Variants in SCML1 observed in about 807,000 individuals in gnomAD.
SCML1 encodes the protein sex comb on midleg-like protein 1.
For missense variants in SCML1, 137 were observed against 258.1 expected (o/e 0.53, Z 3.22); for synonymous variants, 104 against 103.6 (o/e 1.00, Z -0.02).
chrX:17,749,813 A>G lies in SCML1; in HGVS notation c.304-81A>G, dbSNP rs914096829. ...TAATGTAAAGCAATGTTGCATGGAA[A>G]ATAAGTATTAATGTATTTGCTACTA... On this transcript the variant is annotated intron_variant, in intron 5 of 7. Coordinates refer to ENST00000380041, the MANE Select transcript of SCML1 (RefSeq NM_001037540.3). 14 of 903,470 alleles carry G rather than the reference A, an allele frequency of 1.5e-5. No homozygotes were observed. The African/African-American group carries it at 2.8e-4, about 18-fold the overall frequency. 74.5% of individuals were successfully genotyped at this position (903,470 alleles called of 1,213,427 possible).
At chrX:17,749,726 A>G in intron 5 of SCML1, 168 bp from the exon 6 acceptor site, 1 of 542,458 alleles carries the variant, frequency 1.8e-6, no homozygotes, top group Non-Finnish European at 2.9e-6. Context: ...TATAATGTGT[A>G]AAATACAATT....
intron 3 of SCML1, 165 bp from the exon 4 acceptor site, chrX:17,745,853 G>A (rs1426885191): frequency 6.0e-6 from 2 of 335,631 alleles, no homozygotes; most frequent in Admixed American, 5.3e-5. Context: ...TCATATTAAT[G>A]TGAATTTTAA....
chrX:17,746,777 A>G (rs2034535955), intron 4 of SCML1, among the ~76,000 whole-genome samples: 1 of 111,595 alleles, frequency 9.0e-6, no homozygotes, highest in Non-Finnish European at 1.9e-5. Context: ...CGAGCTGGGA[A>G]GGGAGGGAGC....
Position 17,741,590 on chromosome X carries a change from A to G in SCML1, c.-116-2481A>G, listed in dbSNP as rs561419996. 8.2e-4 allele frequency among the ~76,000 whole-genome samples: 92 copies of G among 112,120 alleles called. No individual in the cohort carries two copies. The South Asian group carries it at 0.033, about 40-fold the overall frequency. ...TGGTAGACTGCACCATTTACTAGCAATGGGACCTGGGCAAATTACTTAAAT... is the reference window on the plus strand; with the variant it reads ...TGGTAGACTGCACCATTTACTAGCAGTGGGACCTGGGCAAATTACTTAAAT... On this transcript the variant is annotated intron_variant, in intron 1 of 7. Coordinates refer to ENST00000380041, the MANE Select transcript of SCML1 (RefSeq NM_001037540.3).
chrX:17,743,311 A>G (rs1405796323), intron 1 of SCML1, among the ~76,000 whole-genome samples: 1 of 111,903 alleles, frequency 8.9e-6, no homozygotes, highest in Non-Finnish European at 1.9e-5. Context: ...GAATCTCTTA[A>G]TTGTGCCTCT....
intron 4 of SCML1, among the ~76,000 whole-genome samples, chrX:17,746,923 T>C (rs1240016539): frequency 1.8e-5 from 2 of 112,031 alleles, no homozygotes; most frequent in Non-Finnish European, 3.8e-5. Flanking sequence ...CAAGGGCCCC[T>C]CTCCATTGCT....
chrX:17,751,670 G>A, intron 6 of SCML1, 145 bp from the exon 7 acceptor site: 1 of 564,692 alleles, frequency 1.8e-6, no homozygotes, highest in African/African-American at 2.3e-5. Flanking sequence ...AGATTTTACA[G>A]TTGGAGTCTT....
rs988593802 is a variant in SCML1, at chrX:17,753,160, G to A, written c.856-98G>A. The A allele has an allele frequency of 4.8e-6, 3 of 630,347 alleles. No homozygotes were observed. The African/African-American group carries it at 6.8e-5, about 14-fold the overall frequency. The allele number at this position is 630,347 out of a possible 1,213,427, so 51.9% of individuals were successfully genotyped here. On this transcript the variant is annotated intron_variant, in intron 7 of 7. Transcript: ENST00000380041. ...AGAGAATATACATCTGCAATGAGCT[G>A]CTCTCTAGTTTGCTTTACATGTTCT...
intron 1 of SCML1, among the ~76,000 whole-genome samples, chrX:17,741,507 T>C (rs2066594608): frequency 8.9e-6 from 1 of 111,897 alleles, no homozygotes; most frequent in Non-Finnish European, 1.9e-5. Flanking sequence ...TACTGTGTTA[T>C]TGGTAGCAAA....
At chrX:17,753,212 A>G in intron 7 of SCML1, 46 bp from the exon 8 acceptor site, 3 of 1,068,329 alleles carry the variant, frequency 2.8e-6, no homozygotes, top group Non-Finnish European at 3.7e-6. Context: ...TTCTGATGAA[A>G]ATATGGAAGC....
chrX:17,753,234 T>A (rs376719294), intron 7 of SCML1, 24 bp from the exon 8 acceptor site: 129 of 1,098,010 alleles, frequency 1.2e-4, no homozygotes, highest in Non-Finnish European at 3.8e-5. Context: ...TTATTAATTA[T>A]CGTTAAGTTT....
chrX:17,752,580 A>G, intron 7 of SCML1, among the ~76,000 whole-genome samples: 1 of 112,381 alleles, frequency 8.9e-6, no homozygotes, highest in Non-Finnish European at 1.9e-5. Context: ...GAGTAAATAA[A>G]ATTTTATTTT....
intron 1 of SCML1, among the ~76,000 whole-genome samples, chrX:17,740,053 T>C (rs1332102259): frequency 1.8e-5 from 2 of 111,369 alleles, no homozygotes; most frequent in East Asian, 5.6e-4. Flanking sequence ...TTAAAATTTA[T>C]GGTGTGTCTA....
Position 17,745,463 on chromosome X carries a change from C to T in SCML1, c.41C>T (p.Thr14Ile). The T allele has an allele frequency of 8.7e-7, 1 of 1,145,568 alleles. No individual in the cohort carries two copies. The highest frequency in any genetic ancestry group is 1.2e-6 in the Non-Finnish European group (1 of 843,684). The allele number at this position is 1,145,568 out of a possible 1,213,427, so 94.4% of individuals were successfully genotyped here. ...TTGGTAAATTTTCCTCAGATAAAAA[C>T]AAGAATACCTACTTACGATGAAGAT... ...NSSSEIDVIK[T>I]RIPTYDEDDN... Residue 14 changes from threonine (T) to isoleucine (I), a missense_variant, in exon 3 of 8, where the codon ACA becomes ATA. Transcript: ENST00000380041.
At chrX:17,748,526 C>T (rs1322405207) in intron 4 of SCML1, among the ~76,000 whole-genome samples, 3 of 111,694 alleles carry the variant, frequency 2.7e-5, no homozygotes. Flanking sequence ...TTTTTCGGTC[C>T]ATGTTCTCAA....
chrX:17,738,133 C>G (rs6654022), intron 1 of SCML1, among the ~76,000 whole-genome samples: 1 of 112,595 alleles, frequency 8.9e-6, no homozygotes, highest in African/African-American at 3.2e-5. Context: ...TAGAGACAGA[C>G]TGTGCAGCTT....
intron 1 of SCML1, among the ~76,000 whole-genome samples, chrX:17,741,669 T>C (rs1188295104): frequency 8.9e-6 from 1 of 111,828 alleles, no homozygotes; most frequent in East Asian, 2.8e-4. Flanking sequence ...TGTTGTTCTG[T>C]TTTGTTTTGT....
chrX:17,748,997 C>T (rs1051897306), intron 4 of SCML1, among the ~76,000 whole-genome samples: 1 of 112,584 alleles, frequency 8.9e-6, no homozygotes, highest in African/African-American at 3.2e-5. Flanking sequence ...CATATTTGTA[C>T]ATATATGAAC....
chrX:17,748,421 G>A (rs948193868), intron 4 of SCML1, among the ~76,000 whole-genome samples: 2 of 111,556 alleles, frequency 1.8e-5, no homozygotes, highest in African/African-American at 6.5e-5. Context: ...GCCTAGGCTT[G>A]TCTCCAACTC....
Sources: gnomAD v4.1 joint callset for allele counts (sites outside exome capture counted in the v4.1 genomes callset) on GRCh38, gnomAD v4.1.1 for gene constraint, MANE v1.5 for transcripts, NCBI Gene and HGNC (gene_info 2026-07-23, HGNC 2026-07-21) for gene names.